The following MAF variants were observed in gnomAD, a reference collection of about 807,000 sequenced individuals.
MAF encodes MAF bZIP transcription factor.
MAF carries 10 observed loss-of-function variants against 22.0 expected under a neutral mutation model. That is an observed-to-expected ratio of 0.45 (90% CI 0.28 to 0.77). The LOEUF (loss-of-function observed/expected upper bound fraction) is 0.77. Ranked by LOEUF, MAF falls within the 30% of genes least tolerant of loss-of-function variation. MAF has a pLI of 0.12. For synonymous variants in MAF, 337 were observed against 255.8 expected, an observed-to-expected ratio of 1.32 and a Z score of -3.03; for missense variants, 544 against 548.4, an observed-to-expected ratio of 0.99 and a Z score of 0.08.
the MAF span, among the ~76,000 whole-genome samples, chr16:79,208,461 A>T: frequency 6.6e-6 from 1 of 152,154 alleles, no homozygotes; most frequent in African/African-American, 2.4e-5. Flanking sequence ...ATCACAATGG[A>T]TCAGTAAGCA....
chr16:79,509,118 G>A, the MAF span, among the ~76,000 whole-genome samples: 5 of 152,160 alleles, frequency 3.3e-5, no homozygotes, highest in African/African-American at 1.2e-4. Context: ...CTTTTACCCT[G>A]GACACACGTA....
the MAF span, among the ~76,000 whole-genome samples, chr16:79,552,873 T>A: frequency 6.6e-6 from 1 of 152,240 alleles, no homozygotes; most frequent in African/African-American, 2.4e-5. Flanking sequence ...GCTATGATTC[T>A]AATGCCATTG....
chr16:79,206,574 A>G, the MAF span: 5 of 152,222 alleles, frequency 3.3e-5, no homozygotes, highest in Non-Finnish European at 7.3e-5. Flanking sequence ...AATGCTAGTC[A>G]TTGATGTCAC....
chr16:79,230,223 G>A, the MAF span, among the ~76,000 whole-genome samples: 10 of 152,104 alleles, frequency 6.6e-5, no homozygotes, highest in Non-Finnish European at 1.3e-4. Flanking sequence ...AATGCTAGAC[G>A]TGGTTATGGC....
chr16:79,277,989 G>C, the MAF span, among the ~76,000 whole-genome samples: 1 of 152,320 alleles, frequency 6.6e-6, no homozygotes, highest in Non-Finnish European at 1.5e-5. Flanking sequence ...CTACTAATTT[G>C]ACATCTCTCT....
the MAF span, among the ~76,000 whole-genome samples, chr16:79,282,396 C>G: frequency 6.6e-6 from 1 of 152,112 alleles, no homozygotes; most frequent in African/African-American, 2.4e-5. Context: ...ACCAGAATAA[C>G]CACTAATGTA....
chr16:79,297,031 C>T, the MAF span, among the ~76,000 whole-genome samples: 1 of 152,224 alleles, frequency 6.6e-6, no homozygotes, highest in African/African-American at 2.4e-5. Flanking sequence ...TCTGTGGCGA[C>T]ATCCCTTGTG....
At chr16:79,225,000 T>C in the MAF span, among the ~76,000 whole-genome samples, 1 of 152,166 alleles carries the variant, frequency 6.6e-6, no homozygotes, top group Non-Finnish European at 1.5e-5. Context: ...TTCACAGAAT[T>C]AGAAAAAACT....
the MAF span, among the ~76,000 whole-genome samples, chr16:79,311,905 C>T: frequency 6.6e-6 from 1 of 152,140 alleles, no homozygotes; most frequent in Non-Finnish European, 1.5e-5. Flanking sequence ...TTAGCAATCT[C>T]TCAGTGCTCA....
the MAF span, chr16:79,211,784 C>G: frequency 1.2e-6 from 2 of 1,614,086 alleles, no homozygotes. Context: ...GGCTTGGCAG[C>G]CAGTCCGGCT....
intron 1 of MAF, chr16:79,595,442 A>G (rs1384240772): frequency 2.8e-6 from 3 of 1,057,248 alleles, no homozygotes; most frequent in Non-Finnish European, 3.4e-6. Flanking sequence ...GGCAGAAAAC[A>G]AAACAAAAGT....
chr16:79,456,957 C>T, the MAF span, among the ~76,000 whole-genome samples: 2 of 152,048 alleles, frequency 1.3e-5, no homozygotes. Context: ...CACACACACA[C>T]ACCCTTGGAG....
At chr16:79,403,009 G>C in the MAF span, among the ~76,000 whole-genome samples, 1 of 152,208 alleles carries the variant, frequency 6.6e-6, no homozygotes, top group Non-Finnish European at 1.5e-5. Flanking sequence ...GGCCCTGGTT[G>C]TGAGCAGACC....
At chr16:79,566,689 C>T in the MAF span, among the ~76,000 whole-genome samples, 2 of 152,162 alleles carry the variant, frequency 1.3e-5, no homozygotes, top group African/African-American at 2.4e-5. Flanking sequence ...AGTGGATGAA[C>T]CCTGAACTGG....
the MAF span, among the ~76,000 whole-genome samples, chr16:79,385,967 A>G: frequency 6.6e-6 from 1 of 152,184 alleles, no homozygotes; most frequent in Non-Finnish European, 1.5e-5. Flanking sequence ...CTGATCACCT[A>G]CTAGGCACCT....
the MAF span, among the ~76,000 whole-genome samples, chr16:79,220,217 A>ATGCAC: frequency 6.9e-6 from 1 of 144,212 alleles, no homozygotes; most frequent in African/African-American, 2.6e-5. Context: ...GATGGTGCCA[A>ATGCAC]TGCACTCCAG....
At chr16:79,515,137 C>A in the MAF span, among the ~76,000 whole-genome samples, 10 of 152,318 alleles carry the variant, frequency 6.6e-5, no homozygotes, top group Admixed American at 5.2e-4. Flanking sequence ...AACATTATGG[C>A]CTGACACAGA....
chr16:79,292,766 A>G, the MAF span, among the ~76,000 whole-genome samples: 10 of 152,172 alleles, frequency 6.6e-5, no homozygotes, highest in Non-Finnish European at 1.0e-4. Context: ...GAAGCCATCC[A>G]AAACCCACCA....
the MAF span, among the ~76,000 whole-genome samples, chr16:79,270,574 A>G: frequency 8.5e-4 from 129 of 152,300 alleles, no homozygotes; most frequent in African/African-American, 2.9e-3. Context: ...TAGCCCCATC[A>G]TTGCTTAGGT....
Sources: allele counts gnomAD v4.1 joint callset (sites outside exome capture counted in the v4.1 genomes callset), GRCh38; gene constraint gnomAD v4.1.1; transcripts MANE v1.5; gene names NCBI Gene and HGNC (gene_info 2026-07-23, HGNC 2026-07-21).